The following TEC variants were observed in gnomAD, a reference collection of about 807,000 sequenced individuals.
TEC encodes tyrosine-protein kinase Tec.
Under a neutral mutation model 93.0 loss-of-function variants are expected in TEC, and 72 were observed. The observed-to-expected ratio is 0.77, with a 90% confidence interval of 0.64 to 0.94. The LOEUF (loss-of-function observed/expected upper bound fraction) is 0.94, where lower values mean the gene tolerates loss of function less well. Among genes scored for constraint, TEC ranks in the 40% least tolerant of loss-of-function variants. The probability of loss-of-function intolerance (pLI) is 0.00; values close to 1 mark genes in which losing one functional copy is unlikely to be tolerated. For missense variants in TEC, 630 were observed against 757.9 expected (o/e 0.83, Z 1.98); for synonymous variants, 249 against 247.7 (o/e 1.01, Z -0.05).
intron 3 of TEC, among the ~76,000 whole-genome samples, chr4:48,172,802 G>A (rs1026839001): frequency 3.3e-5 from 5 of 152,176 alleles, no homozygotes; most frequent in Admixed American, 1.3e-4. Context: ...GATGTGAAGA[G>A]ATGTGTTTCC....
intron 2 of TEC, among the ~76,000 whole-genome samples, chr4:48,223,185 T>C (rs1723322577): frequency 1.3e-5 from 2 of 152,216 alleles, no homozygotes; most frequent in East Asian, 1.9e-4. Flanking sequence ...AAAATTATTT[T>C]ATAAAGTCCA....
chr4:48,149,930 A>C (rs1465841370), intron 10 of TEC, among the ~76,000 whole-genome samples: 1 of 152,236 alleles, frequency 6.6e-6, no homozygotes, highest in Admixed American at 6.5e-5. Flanking sequence ...GAGAACATTT[A>C]TGAATTCCAT....
At chr4:48,205,610 G>GA (rs550964913) in intron 2 of TEC, among the ~76,000 whole-genome samples, 97 of 152,192 alleles carry the variant, frequency 6.4e-4, no homozygotes, top group African/African-American at 2.3e-3. Flanking sequence ...GTTGCTCAAT[G>GA]GTATTAGCCA....
chr4:48,157,518 C>T (rs1433843669), intron 8 of TEC, among the ~76,000 whole-genome samples: 4 of 152,222 alleles, frequency 2.6e-5, no homozygotes, highest in African/African-American at 4.8e-5. Flanking sequence ...CAATCTGCAC[C>T]GCTTCTTCTT....
chr4:48,166,670 C>T lies in TEC; in HGVS notation c.671+1108G>A, dbSNP rs1438670226. 2.0e-5 allele frequency among the ~76,000 whole-genome samples: 3 copies of T among 151,528 alleles called. No individual in the cohort carries two copies. The South Asian group carries it at 6.2e-4, about 31-fold the overall frequency. On this transcript the variant is annotated intron_variant, in intron 7 of 17. Coordinates refer to ENST00000381501, the MANE Select transcript of TEC (RefSeq NM_003215.3). Reference sequence around the variant, plus strand: ...AGAGATTCTATTATACTATTATATACTTTTTGGATGCTTGAAAATTTCTAC... The same window carrying T: ...AGAGATTCTATTATACTATTATATATTTTTTGGATGCTTGAAAATTTCTAC...
chr4:48,237,501 T>C (rs1230297949), intron 1 of TEC, among the ~76,000 whole-genome samples: 2 of 152,000 alleles, frequency 1.3e-5, no homozygotes, highest in African/African-American at 4.8e-5. Context: ...TACCAAATGA[T>C]ATTATGGAAT....
intron 2 of TEC, among the ~76,000 whole-genome samples, chr4:48,198,801 A>T (rs1418372567): frequency 6.6e-6 from 1 of 152,218 alleles, no homozygotes; most frequent in Non-Finnish European, 1.5e-5. Flanking sequence ...AAATTTAAGA[A>T]AAAAGAAAAA....
At chr4:48,218,166 AAAG>A (rs1236762897) in intron 2 of TEC, among the ~76,000 whole-genome samples, 1 of 152,238 alleles carries the variant, frequency 6.6e-6, no homozygotes, top group East Asian at 1.9e-4. Flanking sequence ...ATTGAGACAC[AAAG>A]AAGAAAGTTG....
chr4:48,257,033 T>A (rs1196127742), intron 1 of TEC, among the ~76,000 whole-genome samples: 3 of 152,064 alleles, frequency 2.0e-5, no homozygotes, highest in Non-Finnish European at 4.4e-5. Context: ...CAGTAAATAA[T>A]TTTTTTTCCA....
chr4:48,235,336 C>A (rs1408928584), intron 1 of TEC, among the ~76,000 whole-genome samples: 1 of 151,952 alleles, frequency 6.6e-6, no homozygotes, highest in African/African-American at 2.4e-5. Flanking sequence ...AAAACAATGG[C>A]CTCCCATAAT....
At chr4:48,144,087 G>A (rs191910353) in intron 14 of TEC, among the ~76,000 whole-genome samples, 4 of 152,080 alleles carry the variant, frequency 2.6e-5, no homozygotes, top group Admixed American at 1.3e-4. Context: ...ATGGTGGCAC[G>A]TGCCTATAGT....
At chr4:48,139,319 G>A (rs1719565481) in intron 15 of TEC, among the ~76,000 whole-genome samples, 1 of 152,108 alleles carries the variant, frequency 6.6e-6, no homozygotes, top group Admixed American at 6.6e-5. Context: ...TAGTTTGCAA[G>A]CTTTTCTTTG....
At chr4:48,221,924 A>G (rs1723278960) in intron 2 of TEC, among the ~76,000 whole-genome samples, 1 of 152,172 alleles carries the variant, frequency 6.6e-6, no homozygotes, top group Non-Finnish European at 1.5e-5. Flanking sequence ...CTACACTATC[A>G]CAGGAGCTTA....
chr4:48,155,223 T>C (rs1720345464), intron 9 of TEC, among the ~76,000 whole-genome samples: 1 of 152,248 alleles, frequency 6.6e-6, no homozygotes. Context: ...GAACATTGTA[T>C]CTGACTAGGG....
chr4:48,226,599 G>T (rs1361176018), intron 2 of TEC, among the ~76,000 whole-genome samples: 1 of 150,654 alleles, frequency 6.6e-6, no homozygotes, highest in Non-Finnish European at 1.5e-5. Context: ...TTACTTTATT[G>T]TAAGAATACA....
chr4:48,190,318 TCTA>T (rs555602767), intron 2 of TEC, among the ~76,000 whole-genome samples: 4 of 152,224 alleles, frequency 2.6e-5, no homozygotes, highest in Non-Finnish European at 5.9e-5. Flanking sequence ...AGAGGCACTC[TCTA>T]CAACAAATTT....
intron 2 of TEC, among the ~76,000 whole-genome samples, chr4:48,184,770 TACACAC>T (rs58704241): frequency 0.022 from 3,141 of 141,032 alleles, 127 homozygotes; most frequent in African/African-American, 0.078. Context: ...ACAAAAAAAA[TACACAC>T]ACACACACAC....
At chr4:48,189,204 G>T (rs572925629) in intron 2 of TEC, among the ~76,000 whole-genome samples, 7 of 152,138 alleles carry the variant, frequency 4.6e-5, no homozygotes, top group African/African-American at 1.7e-4. Context: ...GGCAACACTG[G>T]CTGAAATTAT....
intron 8 of TEC, among the ~76,000 whole-genome samples, chr4:48,160,838 G>GGAGA (rs1435908754): frequency 6.8e-6 from 1 of 146,736 alleles, no homozygotes; most frequent in Non-Finnish European, 1.5e-5. Context: ...AGGGAGGGAG[G>GGAGA]GAGAGAGGGA....
Sources: allele counts gnomAD v4.1 joint callset (sites outside exome capture counted in the v4.1 genomes callset), GRCh38; gene constraint gnomAD v4.1.1; transcripts MANE v1.5; gene names NCBI Gene and HGNC (gene_info 2026-07-23, HGNC 2026-07-21).